DHRS3: variants seen among roughly 807,000 people sequenced by gnomAD.
The protein encoded by DHRS3 is dehydrogenase/reductase 3, also known as short-chain dehydrogenase/reductase 3.
Under a neutral mutation model 27.2 loss-of-function variants are expected in DHRS3, and 14 were observed. That is an observed-to-expected ratio of 0.52 (90% CI 0.34 to 0.81). The LOEUF (loss-of-function observed/expected upper bound fraction) is 0.81, where lower values mean the gene tolerates loss of function less well. Ranked by LOEUF, DHRS3 falls within the 30% of genes least tolerant of loss-of-function variation. The pLI, the probability that DHRS3 is intolerant of heterozygous loss-of-function variation, is 0.01. For synonymous variants in DHRS3, 165 were observed against 175.9 expected, an observed-to-expected ratio of 0.94 and a Z score of 0.49; for missense variants, 322 against 406.2, an observed-to-expected ratio of 0.79 and a Z score of 1.78.
chr1:12,580,509 C>T lies in DHRS3; in HGVS notation c.339+14G>A. On this transcript the variant is annotated intron_variant, in intron 2 of 5. Coordinates refer to ENST00000616661, the MANE Select transcript of DHRS3 (RefSeq NM_004753.7). ...GTCAGCTGTGCTAGGAATAGACCCT[C>T]CCAGGCTACAGACCTTCTCCCGGAC... 3 of 1,614,166 alleles carry T rather than the reference C, an allele frequency of 1.9e-6. No individual in the cohort carries two copies. Among genetic ancestry groups the T allele is most frequent in the South Asian group, 1.1e-5 (1 of 91,084 alleles).
chr1:12,588,388 A>G (rs1406712411), intron 1 of DHRS3, among the ~76,000 whole-genome samples: 1 of 152,198 alleles, frequency 6.6e-6, no homozygotes, highest in Non-Finnish European at 1.5e-5. Context: ...TCTGCATTTA[A>G]TAGGTAAGCC....
At position 12,586,737 on chromosome 1, in the gene DHRS3, C is replaced by T. The variant is rs990848057; in HGVS notation, c.196-6071G>A. On this transcript the variant is annotated intron_variant, in intron 1 of 5. Transcript: ENST00000616661. This position sits in a 1 kb window ranked among gnomAD's most constrained non-coding sequence, Gnocchi z 5.0. Reference sequence around the variant, plus strand: ...GCTAAGCAACTCGTCTGAGGTCACACAGCAACTGAATAATGGAGCTGGGAT... The same window carrying T: ...GCTAAGCAACTCGTCTGAGGTCACATAGCAACTGAATAATGGAGCTGGGAT... Among the ~76,000 whole-genome samples the T allele has an allele frequency of 2.6e-5, 4 of 152,220 alleles. No individual in the cohort carries two copies. Among genetic ancestry groups the T allele is most frequent in the African/African-American group, 4.8e-5 (2 of 41,446 alleles).
rs573274216 is a variant in DHRS3 at position 12,568,273 on chromosome 1, C to A, written c.*67G>T. 7.0e-7 allele frequency: 1 copy of A among 1,420,674 alleles called. No homozygotes were observed. Among genetic ancestry groups the A allele is most frequent in the Admixed American group, 1.7e-5 (1 of 59,456 alleles). 88.0% of individuals were successfully genotyped at this position (1,420,674 alleles called of 1,614,324 possible). On this transcript the variant is annotated 3_prime_UTR_variant, in exon 6 of 6. Coordinates refer to ENST00000616661, the MANE Select transcript of DHRS3 (RefSeq NM_004753.7). ...AGAAGCATGCCAATGGACAGGTGCT[C>A]GGGTGTGTGCCCAGGTGCTGTGGCC...
At chr1:12,600,502 A>G (rs1308852846) in intron 1 of DHRS3, 1 of 578,428 alleles carries the variant, frequency 1.7e-6, no homozygotes, top group South Asian at 7.4e-5. Flanking sequence ...GGGTGGACAG[A>G]CGCCATGTGG....
At chr1:12,571,671 C>T (rs1646538560) in intron 5 of DHRS3, among the ~76,000 whole-genome samples, 1 of 151,840 alleles carries the variant, frequency 6.6e-6, no homozygotes, top group Admixed American at 6.6e-5. Flanking sequence ...GCTGGGATTA[C>T]AGGCACACGC....
chr1:12,582,879 C>A (rs1342933822), intron 1 of DHRS3, among the ~76,000 whole-genome samples: 16 of 118,814 alleles, frequency 1.3e-4, no homozygotes, highest in East Asian at 1.1e-3. Flanking sequence ...CCATCCCTCC[C>A]TCCCTCATCT....
At chr1:12,585,221 G>GTCTCTGTGAGTGTGTGTCTCTGTGTA (rs1557520091) in intron 1 of DHRS3, among the ~76,000 whole-genome samples, 1 of 12,812 alleles carries the variant, frequency 7.8e-5, no homozygotes, top group African/African-American at 3.0e-4. Flanking sequence ...ATCTCTGTGT[G>GTCTCTGTGAGTGTGTGTCTCTGTGTA]TGTGTGTCTA....
chr1:12,600,618 C>T (rs887416120), intron 1 of DHRS3, among the ~76,000 whole-genome samples: 2 of 152,172 alleles, frequency 1.3e-5, no homozygotes, highest in Admixed American at 1.3e-4. Flanking sequence ...GTGAGAGGGG[C>T]CACTGCTTGC....
intron 1 of DHRS3, among the ~76,000 whole-genome samples, chr1:12,583,359 C>G (rs1646662246): frequency 6.7e-6 from 1 of 149,458 alleles, no homozygotes; most frequent in African/African-American, 2.5e-5. Context: ...ATCCACCCAC[C>G]CATCCATTCC....
At chr1:12,615,999 G>T (rs556540541) in intron 1 of DHRS3, among the ~76,000 whole-genome samples, 140 of 152,296 alleles carry the variant, frequency 9.2e-4, no homozygotes, top group African/African-American at 3.3e-3. Context: ...GGCTTTGGCT[G>T]ATAGTTCAGG....
intron 1 of DHRS3, among the ~76,000 whole-genome samples, chr1:12,598,271 C>A (rs1427441753): frequency 6.6e-6 from 1 of 152,054 alleles, no homozygotes; most frequent in Non-Finnish European, 1.5e-5. Context: ...GCCTGTAGTC[C>A]CGGCCACTGG....
chr1:12,576,212 C>T (rs956260222), intron 4 of DHRS3, among the ~76,000 whole-genome samples: 2 of 152,124 alleles, frequency 1.3e-5, no homozygotes, highest in Admixed American at 1.3e-4. Flanking sequence ...AATAGACACA[C>T]AAACTCGATG....
intron 1 of DHRS3, among the ~76,000 whole-genome samples, chr1:12,607,932 C>T (rs1484342372): frequency 6.6e-6 from 1 of 152,094 alleles, no homozygotes; most frequent in Non-Finnish European, 1.5e-5. Context: ...GGCTGAAGTG[C>T]AGTGGTGCGA....
intron 1 of DHRS3, among the ~76,000 whole-genome samples, chr1:12,613,356 C>G (rs1570404856): frequency 6.6e-6 from 1 of 152,206 alleles, no homozygotes; most frequent in Non-Finnish European, 1.5e-5. Context: ...GAAGCACATA[C>G]AGATGGTGAC....
chr1:12,578,489 T>C lies in DHRS3; in HGVS notation c.698+229A>G, dbSNP rs1449981634. On this transcript the variant is annotated intron_variant, in intron 4 of 5. Transcript: ENST00000616661. The surrounding 1 kb of genome is among the most constrained non-coding windows in gnomAD (Gnocchi z 4.5). ...ATCACCATGCCCAGCTAATTTTTTATTTTTTTTAGACACAGGGTTTCTCCA... is the reference window on the plus strand; with the variant it reads ...ATCACCATGCCCAGCTAATTTTTTACTTTTTTTAGACACAGGGTTTCTCCA... Among the ~76,000 whole-genome samples the C allele has an allele frequency of 6.6e-6, 1 of 152,044 alleles. No homozygotes were observed. Among genetic ancestry groups the C allele is most frequent in the Admixed American group, 6.6e-5 (1 of 15,254 alleles).
rs1020623974 is a variant in DHRS3, at chr1:12,591,591, C to T, written c.196-10925G>A. Among the ~76,000 whole-genome samples the T allele has an allele frequency of 6.6e-5, 10 of 152,246 alleles. No homozygotes were observed. On this transcript the variant is annotated intron_variant, in intron 1 of 5. Transcript: ENST00000616661. The surrounding 1 kb of genome is among the most constrained non-coding windows in gnomAD (Gnocchi z 4.1). Reference sequence around the variant, plus strand: ...GGAATGACAGTAGCTCTGACATGCACGTGGGGCTCACTAGCTGGCCACACT... The same window carrying T: ...GGAATGACAGTAGCTCTGACATGCATGTGGGGCTCACTAGCTGGCCACACT...
chr1:12,609,878 C>A (rs1646894986), intron 1 of DHRS3, among the ~76,000 whole-genome samples: 1 of 152,202 alleles, frequency 6.6e-6, no homozygotes, highest in South Asian at 2.1e-4. Context: ...CTCCTCAGAG[C>A]CCTTGCCCTG....
In DHRS3 at chr1:12,595,235, C is replaced by T. The variant is rs551281281; in HGVS notation, c.196-14569G>A. On this transcript the variant is annotated intron_variant, in intron 1 of 5. Coordinates refer to ENST00000616661, the MANE Select transcript of DHRS3 (RefSeq NM_004753.7). Reference sequence around the variant, plus strand: ...TAACAAAGTGCCCGGGCCGTCCCAACCCTGGCCCTGACAGCTAACGAGCTG... The same window carrying T: ...TAACAAAGTGCCCGGGCCGTCCCAATCCTGGCCCTGACAGCTAACGAGCTG... Among the ~76,000 whole-genome samples the T allele has an allele frequency of 4.5e-4, 68 of 152,332 alleles. 1 individual carries two copies. The highest frequency in any genetic ancestry group is 1.5e-3 in the African/African-American group (64 of 41,562).
At chr1:12,616,499 C>A (rs1049927460) in intron 1 of DHRS3, 1 of 949,678 alleles carries the variant, frequency 1.1e-6, no homozygotes, top group Non-Finnish European at 1.3e-6. Context: ...GGGGGGTGTA[C>A]TGGGGGGGAG....
Sources: gnomAD v4.1 joint callset for allele counts (sites outside exome capture counted in the v4.1 genomes callset) on GRCh38, gnomAD v4.1.1 for gene constraint, Gnocchi (gnomAD v3.1) non-coding constraint, MANE v1.5 for transcripts, NCBI Gene and HGNC (gene_info 2026-07-23, HGNC 2026-07-21) for gene names.